The following TMPRSS2 variants were observed in gnomAD, a reference collection of about 807,000 sequenced individuals.
TMPRSS2 encodes the protein transmembrane protease serine 2.
In TMPRSS2, 59 loss-of-function variants were observed where a neutral mutation model predicts 67.4. The observed-to-expected ratio is 0.88, with a 90% CI of 0.71 to 1.09. The LOEUF is 1.09. Ranked by LOEUF, TMPRSS2 falls within the 50% of genes least tolerant of loss-of-function variation. TMPRSS2 has a pLI of 0.00. For synonymous variants in TMPRSS2, 257 were observed against 257.0 expected, an observed-to-expected ratio of 1.00 and a Z score of 0.00; for missense variants, 668 against 642.7, an observed-to-expected ratio of 1.04 and a Z score of -0.43.
Position 41,489,499 on chromosome 21 carries a change from GC to G in TMPRSS2, c.325+7del. On this transcript the variant is annotated splice_region_variant and intron_variant, in intron 4 of 13. Coordinates refer to ENST00000332149, the MANE Select transcript of TMPRSS2 (RefSeq NM_005656.4). ...GCACATGGTGGGATCGAGGCTCCCT[GC>G]ACTTACTGAACTTCCAGAGTAGGCC... 6.2e-7 allele frequency: 1 copy of G among 1,613,570 alleles called. No homozygotes were observed. The highest frequency in any genetic ancestry group is 8.5e-7 in the Non-Finnish European group (1 of 1,179,610).
chr21:41,473,441 G>C lies in TMPRSS2; in HGVS notation c.783C>G (p.Ser261Arg). The C allele has an allele frequency of 6.2e-7, 1 of 1,610,160 alleles. No homozygotes were observed. Among genetic ancestry groups the C allele is most frequent in the Non-Finnish European group, 8.5e-7 (1 of 1,179,058 alleles). Reference sequence around the variant, plus strand: ...GCCAGGGCCAGGCCCCCGGGAGCGCGCTCTCGCCGCCCACAATCCTGCTCT... The same window carrying C: ...GCCAGGGCCAGGCCCCCGGGAGCGCCCTCTCGCCGCCCACAATCCTGCTCT... ...SRQSRIVGGESALPGAWPWQV... is the reference protein window; with the variant it reads ...SRQSRIVGGERALPGAWPWQV... Residue 261 changes from serine to arginine, a missense_variant, in exon 9 of 14, where the codon AGC (serine) becomes AGG (arginine). Transcript: ENST00000332149.
In TMPRSS2 at chr21:41,468,555, T is replaced by C; in HGVS notation, c.1172-17A>G. The C allele has an allele frequency of 1.9e-6, 3 of 1,613,504 alleles. No homozygotes were observed. The highest frequency in any genetic ancestry group is 8.5e-7 in the Non-Finnish European group (1 of 1,179,674). ...AGGTCTTCCCTAAGGACAGGGAGACTTGTTGAGCTCCCAGTGTTGCCTGCA... is the reference window on the plus strand; with the variant it reads ...AGGTCTTCCCTAAGGACAGGGAGACCTGTTGAGCTCCCAGTGTTGCCTGCA... On this transcript the variant is annotated splice_polypyrimidine_tract_variant and intron_variant, in intron 11 of 13. Transcript: ENST00000332149.
chr21:41,471,721 C>G (rs940824783), intron 10 of TMPRSS2, 85 bp downstream of exon 10: 1 of 1,455,186 alleles, frequency 6.9e-7, no homozygotes, highest in Non-Finnish European at 9.3e-7. Flanking sequence ...GCCTCCCTTC[C>G]ATTTGGCATA....
At chr21:41,500,370 G>C (rs572348377) in intron 1 of TMPRSS2, among the ~76,000 whole-genome samples, 1 of 152,334 alleles carries the variant, frequency 6.6e-6, no homozygotes, top group African/African-American at 2.4e-5. Context: ...GGGCTGTCTT[G>C]ATTCGCAGGT....
chr21:41,494,278 G>T, intron 3 of TMPRSS2, 78 bp downstream of exon 3: 3 of 1,466,246 alleles, frequency 2.0e-6, no homozygotes, highest in South Asian at 1.2e-5. Flanking sequence ...CAGTGGTGTT[G>T]GGAGCAGAGA....
rs903965505 is a variant in TMPRSS2 at position 41,465,023 on chromosome 21, T to C, written c.*1119A>G. Reference sequence around the variant, plus strand: ...CACAGAGAGTCCAAAACAAAACACATCTTTCTCTTCTTCGCCGCCACCATG... The same window carrying C: ...CACAGAGAGTCCAAAACAAAACACACCTTTCTCTTCTTCGCCGCCACCATG... On this transcript the variant is annotated 3_prime_UTR_variant, in exon 14 of 14. Coordinates refer to ENST00000332149, the MANE Select transcript of TMPRSS2 (RefSeq NM_005656.4). 8.6e-6 allele frequency: 2 copies of C among 233,162 alleles called. No individual in the cohort carries two copies. The highest frequency in any genetic ancestry group is 5.6e-5 in the Admixed American group (1 of 17,784). The allele number at this position is 233,162 out of a possible 1,614,324, so 14.4% of individuals were successfully genotyped here.
At chr21:41,482,060 C>CAATA (rs530689318) in intron 5 of TMPRSS2, among the ~76,000 whole-genome samples, 49 of 151,302 alleles carry the variant, frequency 3.2e-4, no homozygotes, top group African/African-American at 9.5e-4. Context: ...AACTCCGTCT[C>CAATA]AATAAATAAA....
chr21:41,469,733 C>A (rs1315205282), intron 11 of TMPRSS2, among the ~76,000 whole-genome samples: 1 of 151,826 alleles, frequency 6.6e-6, no homozygotes, highest in African/African-American at 2.4e-5. Flanking sequence ...CTGACCACAC[C>A]TGCCCCGTCC....
chr21:41,498,289 T>G, intron 1 of TMPRSS2, 100 bp from the exon 2 acceptor site: 1 of 761,004 alleles, frequency 1.3e-6, no homozygotes, highest in Non-Finnish European at 2.1e-6. Context: ...GAAGGTTACC[T>G]ACAACAAAGA....
At position 41,466,063 on chromosome 21, in the gene TMPRSS2, G is replaced by A. The variant is rs904270899; in HGVS notation, c.*79C>T. 3 of 1,525,078 alleles carry A rather than the reference G, an allele frequency of 2.0e-6. No individual in the cohort carries two copies. Among genetic ancestry groups the A allele is most frequent in the African/African-American group, 1.4e-5 (1 of 72,490 alleles). 94.5% of individuals were successfully genotyped at this position (1,525,078 alleles called of 1,614,324 possible). Reference sequence around the variant, plus strand: ...GAAGTGACCTCTGAATCATCTCTAAGAGTAAATCATGCACGGGGAAGCAAA... The same window carrying A: ...GAAGTGACCTCTGAATCATCTCTAAAAGTAAATCATGCACGGGGAAGCAAA... On this transcript the variant is annotated 3_prime_UTR_variant, in exon 14 of 14. Coordinates refer to ENST00000332149, the MANE Select transcript of TMPRSS2 (RefSeq NM_005656.4).
chr21:41,484,122 A>C (rs2091278823), intron 5 of TMPRSS2, among the ~76,000 whole-genome samples: 1 of 152,166 alleles, frequency 6.6e-6, no homozygotes, highest in South Asian at 2.1e-4. Context: ...TTGTCTCAAA[A>C]AAACCCAATT....
At chr21:41,482,690 G>A (rs746657414) in intron 5 of TMPRSS2, among the ~76,000 whole-genome samples, 5 of 152,138 alleles carry the variant, frequency 3.3e-5, no homozygotes, top group African/African-American at 4.8e-5. Context: ...TCTGTGAGTC[G>A]GTCACAGGTT....
chr21:41,494,606 T>C, intron 2 of TMPRSS2, 28 bp from the exon 3 acceptor site: 1 of 1,598,252 alleles, frequency 6.3e-7, no homozygotes, highest in Non-Finnish European at 8.6e-7. Context: ...AGATGAATAA[T>C]ATAAAACTCT....
In TMPRSS2 at chr21:41,465,762, GTC is replaced by G. The variant is rs2091078487; in HGVS notation, c.*378_*379del. 3.5e-6 allele frequency: 1 copy of G among 287,878 alleles called. No homozygotes were observed. Among genetic ancestry groups the G allele is most frequent in the South Asian group, 1.1e-4 (1 of 9,082 alleles). The allele number at this position is 287,878 out of a possible 1,614,324, so 17.8% of individuals were successfully genotyped here. ...GCCACCTGGCTGTCTCCCTTTCCAT[GTC>G]TCTCCTTTTTCATCTCAAGTCATCC... On this transcript the variant is annotated 3_prime_UTR_variant, in exon 14 of 14. Transcript: ENST00000332149.
chr21:41,507,132 G>A (rs1393543674), intron 1 of TMPRSS2, among the ~76,000 whole-genome samples: 1 of 152,248 alleles, frequency 6.6e-6, no homozygotes. Flanking sequence ...TGCCACAAGC[G>A]CTCAGGGCTC....
chr21:41,506,162 C>A (rs928721300), intron 1 of TMPRSS2, among the ~76,000 whole-genome samples: 7 of 152,212 alleles, frequency 4.6e-5, no homozygotes, highest in African/African-American at 1.7e-4. Context: ...CAGCACCTAG[C>A]AACCTGGGAG....
chr21:41,466,780 C>T lies in TMPRSS2; in HGVS notation c.1468-627G>A, dbSNP rs143595083. Among the ~76,000 whole-genome samples, 690 of 152,344 alleles carry T rather than the reference C, an allele frequency of 4.5e-3. 6 individuals carry two copies. Among genetic ancestry groups the T allele is most frequent in the African/African-American group, 0.016 (652 of 41,568 alleles). ...ATTTGGGAGAAGACAGAATAGACTG[C>T]TTTCTTCCACTAGTAGCCCAGCCCC... is the stretch of plus-strand genomic sequence containing the variant. On this transcript the variant is annotated intron_variant, in intron 13 of 13. Coordinates refer to ENST00000332149, the MANE Select transcript of TMPRSS2 (RefSeq NM_005656.4).
At chr21:41,470,382 C>G (rs1465297452) in intron 11 of TMPRSS2, among the ~76,000 whole-genome samples, 1 of 152,180 alleles carries the variant, frequency 6.6e-6, no homozygotes, top group Non-Finnish European at 1.5e-5. Flanking sequence ...TCCTGCACCT[C>G]TAAACTCGTA....
At position 41,465,917 on chromosome 21, in the gene TMPRSS2, C is replaced by G. The variant is rs893701511; in HGVS notation, c.*225G>C. 3.3e-6 allele frequency: 2 copies of G among 597,658 alleles called. No individual in the cohort carries two copies. The highest frequency in any genetic ancestry group is 6.4e-5 in the Admixed American group (2 of 31,234). 37.0% of individuals were successfully genotyped at this position (597,658 alleles called of 1,614,324 possible). On this transcript the variant is annotated 3_prime_UTR_variant, in exon 14 of 14. Coordinates refer to ENST00000332149, the MANE Select transcript of TMPRSS2 (RefSeq NM_005656.4). ...CTTGACCGCCAGTGCCCACAACCAGCCGGCCATCACCCCTTGCGGACAAGG... is the reference window on the plus strand; with the variant it reads ...CTTGACCGCCAGTGCCCACAACCAGGCGGCCATCACCCCTTGCGGACAAGG...
Sources: gnomAD v4.1 joint callset for allele counts (sites outside exome capture counted in the v4.1 genomes callset) on GRCh38, gnomAD v4.1.1 for gene constraint, MANE v1.5 for transcripts, NCBI Gene and HGNC (gene_info 2026-07-23, HGNC 2026-07-21) for gene names.